The following MATN2 variants were observed in gnomAD, a reference collection of about 807,000 sequenced individuals.
MATN2 encodes the protein matrilin-2.
MATN2 carries 69 observed loss-of-function variants against 103.2 expected under a neutral mutation model. That is an observed-to-expected ratio of 0.67 (90% CI 0.55 to 0.82). The LOEUF (loss-of-function observed/expected upper bound fraction) is 0.82, where lower values mean the gene tolerates loss of function less well. MATN2 is among the 40% of genes least tolerant of loss of function. The probability of loss-of-function intolerance (pLI) is 0.00; values close to 1 mark genes in which losing one functional copy is unlikely to be tolerated. For missense variants in MATN2, 1,023 were observed against 1,211.5 expected (o/e 0.84, Z 2.31); for synonymous variants, 429 against 450.2 (o/e 0.95, Z 0.60).
At chr8:97,878,652 C>G (rs550680763) in intron 1 of MATN2, among the ~76,000 whole-genome samples, 1 of 152,026 alleles carries the variant, frequency 6.6e-6, no homozygotes, top group African/African-American at 2.4e-5. Flanking sequence ...GAGTTCAAGA[C>G]CAGCCTAGCC....
At chr8:98,008,859 G>C (rs1813064091) in intron 10 of MATN2, among the ~76,000 whole-genome samples, 1 of 152,192 alleles carries the variant, frequency 6.6e-6, no homozygotes, top group Non-Finnish European at 1.5e-5. Context: ...ATCAAGAACT[G>C]ACTACAAGAT....
intron 2 of MATN2, among the ~76,000 whole-genome samples, chr8:97,925,081 A>G (rs1302611344): frequency 6.6e-6 from 1 of 152,104 alleles, no homozygotes; most frequent in Admixed American, 6.5e-5. Context: ...ATTCACAGAG[A>G]CTCCAGTACA....
chr8:97,974,961 A>G (rs554991036), intron 5 of MATN2, among the ~76,000 whole-genome samples: 1 of 152,320 alleles, frequency 6.6e-6, no homozygotes, highest in Admixed American at 6.5e-5. Flanking sequence ...AATGGGCATT[A>G]CTGACAAGTT....
intron 2 of MATN2, among the ~76,000 whole-genome samples, chr8:97,900,296 C>T (rs1818936910): frequency 6.6e-6 from 1 of 152,154 alleles, no homozygotes; most frequent in Non-Finnish European, 1.5e-5. Flanking sequence ...GCTGGTTGGC[C>T]AGATGGACCA....
chr8:98,006,970 AG>A (rs1208985409), intron 8 of MATN2, 134 bp from the exon 9 acceptor site: 1 of 908,748 alleles, frequency 1.1e-6, no homozygotes, highest in East Asian at 2.7e-5. Flanking sequence ...GATTTTCTAG[AG>A]GGATCAGTGA....
chr8:97,959,809 TG>T (rs11311425), intron 4 of MATN2, among the ~76,000 whole-genome samples: 31,340 of 152,210 alleles, frequency 0.21, 3,719 homozygotes, highest in South Asian at 0.37. Flanking sequence ...AAAATCAATT[TG>T]GATATTTTAT....
At chr8:97,915,069 C>A (rs1399347482) in intron 2 of MATN2, among the ~76,000 whole-genome samples, 1 of 152,174 alleles carries the variant, frequency 6.6e-6, no homozygotes, top group East Asian at 1.9e-4. Context: ...TCACGGCAAC[C>A]TTGACCTCTT....
chr8:97,916,167 T>G (rs892205416), intron 2 of MATN2, among the ~76,000 whole-genome samples: 4 of 152,032 alleles, frequency 2.6e-5, no homozygotes, highest in African/African-American at 9.7e-5. Context: ...CCTCCTGGGT[T>G]TAAGCAATTC....
intron 2 of MATN2, among the ~76,000 whole-genome samples, chr8:97,904,589 T>C (rs557028308): frequency 3.2e-4 from 48 of 152,334 alleles, no homozygotes; most frequent in Middle Eastern, 3.4e-3. Context: ...CTCGCATATG[T>C]GAAAAAGCCG....
chr8:98,009,659 G>A (rs1029882321), intron 10 of MATN2, among the ~76,000 whole-genome samples: 4 of 152,110 alleles, frequency 2.6e-5, no homozygotes, highest in African/African-American at 4.8e-5. Flanking sequence ...CCCCCTGACC[G>A]CAAGCTCTGC....
At chr8:97,998,363 T>C (rs188086631) in intron 7 of MATN2, among the ~76,000 whole-genome samples, 6,818 of 150,572 alleles carry the variant, frequency 0.045, 504 homozygotes, top group African/African-American at 0.15. Flanking sequence ...TACTAAAAAA[T>C]ATTAAAAAAT....
At chr8:97,941,471 C>G (rs1397928963) in intron 3 of MATN2, among the ~76,000 whole-genome samples, 1 of 152,186 alleles carries the variant, frequency 6.6e-6, no homozygotes, top group Non-Finnish European at 1.5e-5. Context: ...TTCCCCAGCC[C>G]ACCACATGGG....
intron 2 of MATN2, among the ~76,000 whole-genome samples, chr8:97,888,466 G>T (rs190861801): frequency 1.4e-4 from 21 of 152,316 alleles, no homozygotes; most frequent in African/African-American, 4.3e-4. Flanking sequence ...AATTGAATCT[G>T]AGGCTTATGG....
intron 2 of MATN2, among the ~76,000 whole-genome samples, chr8:97,929,634 T>C (rs1167432470): frequency 6.6e-6 from 1 of 152,256 alleles, no homozygotes; most frequent in African/African-American, 2.4e-5. Flanking sequence ...ATAATTATGG[T>C]AGTCATGGTG....
intron 6 of MATN2, among the ~76,000 whole-genome samples, chr8:97,992,608 C>T (rs935024854): frequency 6.6e-5 from 10 of 151,686 alleles, no homozygotes; most frequent in African/African-American, 2.4e-4. Flanking sequence ...TAGCTGGGCA[C>T]AGTGGCAGGC....
At chr8:97,933,577 T>C (rs866996262) in intron 3 of MATN2, among the ~76,000 whole-genome samples, 1 of 133,070 alleles carries the variant, frequency 7.5e-6, no homozygotes, top group Non-Finnish European at 1.5e-5. Flanking sequence ...TGTGGACTTG[T>C]CTGTGGAAAA....
At chr8:97,958,516 T>G (rs1811209554) in intron 4 of MATN2, among the ~76,000 whole-genome samples, 1 of 152,174 alleles carries the variant, frequency 6.6e-6, no homozygotes, top group Admixed American at 6.5e-5. Context: ...AGTGCAGGGG[T>G]GGGCTGACAG....
chr8:97,897,800 T>C (rs1414165139), intron 2 of MATN2, among the ~76,000 whole-genome samples: 1 of 152,202 alleles, frequency 6.6e-6, no homozygotes, highest in Non-Finnish European at 1.5e-5. Flanking sequence ...CTGTTTAATA[T>C]AGATTTTTAT....
At chr8:97,956,602 A>C (rs1811153283) in intron 4 of MATN2, among the ~76,000 whole-genome samples, 1 of 152,178 alleles carries the variant, frequency 6.6e-6, no homozygotes, top group Non-Finnish European at 1.5e-5. Context: ...TTGCCATGGC[A>C]ATGGTAAACT....
Sources: gnomAD v4.1 joint callset for allele counts (sites outside exome capture counted in the v4.1 genomes callset) on GRCh38, gnomAD v4.1.1 for gene constraint, MANE v1.5 for transcripts, NCBI Gene and HGNC (gene_info 2026-07-23, HGNC 2026-07-21) for gene names.